The following PHTF2 variants were observed in gnomAD, a reference collection of about 807,000 sequenced individuals.
The protein encoded by PHTF2 is protein PHTF2.
A neutral mutation model predicts 101.2 loss-of-function variants in PHTF2; 60 were observed. The observed-to-expected ratio is 0.59, with a 90% CI of 0.48 to 0.73. PHTF2 has a LOEUF of 0.73. PHTF2 is among the 30% of genes least tolerant of loss of function. The pLI, the probability that PHTF2 is intolerant of heterozygous loss-of-function variation, is 0.00. For synonymous variants in PHTF2, 311 were observed against 307.3 expected (o/e 1.01, Z -0.13); for missense variants, 747 against 908.7 (o/e 0.82, Z 2.29).
At chr7:77,952,785 C>G (rs889779630) in intron 18 of PHTF2, among the ~76,000 whole-genome samples, 1 of 152,146 alleles carries the variant, frequency 6.6e-6, no homozygotes, top group Non-Finnish European at 1.5e-5. Flanking sequence ...CATACATAGT[C>G]TCCTAGTCAG....
chr7:77,953,150 A>G (rs967745786), intron 18 of PHTF2, among the ~76,000 whole-genome samples: 1 of 152,164 alleles, frequency 6.6e-6, no homozygotes, highest in Non-Finnish European at 1.5e-5. Flanking sequence ...ACAAAGTTTC[A>G]GGAGCACCTT....
At chr7:77,820,440 C>T (rs1794191319) in intron 1 of PHTF2, among the ~76,000 whole-genome samples, 2 of 152,188 alleles carry the variant, frequency 1.3e-5, no homozygotes, top group South Asian at 4.1e-4. Context: ...TAACCTCAAA[C>T]TTCTGGGTTC....
intron 1 of PHTF2, 35 bp from the exon 2 acceptor site, chr7:77,840,186 A>G: frequency 3.5e-6 from 4 of 1,131,338 alleles, no homozygotes; most frequent in Non-Finnish European, 5.4e-6. Context: ...AAGGTGGGAA[A>G]TAAAGTCATT....
At chr7:77,885,637 G>A (rs1352118507) in intron 3 of PHTF2, among the ~76,000 whole-genome samples, 3 of 152,030 alleles carry the variant, frequency 2.0e-5, no homozygotes, top group Non-Finnish European at 2.9e-5. Context: ...TAGAGATAGG[G>A]TTTCACCATG....
At chr7:77,836,012 G>A (rs1795431120) in intron 1 of PHTF2, among the ~76,000 whole-genome samples, 1 of 151,306 alleles carries the variant, frequency 6.6e-6, no homozygotes, top group Non-Finnish European at 1.5e-5. Context: ...CAGCTACTCG[G>A]GAGGTTGAGG....
chr7:77,850,785 C>T (rs1043837606), intron 2 of PHTF2, among the ~76,000 whole-genome samples: 1 of 152,058 alleles, frequency 6.6e-6, no homozygotes, highest in Non-Finnish European at 1.5e-5. Flanking sequence ...CAGTTTGATA[C>T]CAGCAATGCA....
chr7:77,890,017 G>T (rs889413993), intron 3 of PHTF2, among the ~76,000 whole-genome samples: 2 of 114,950 alleles, frequency 1.7e-5, no homozygotes, highest in Non-Finnish European at 3.6e-5. Context: ...AAAAAATTAA[G>T]ACGCGCCCCC....
Position 77,929,086 on chromosome 7 carries a change from G to A in PHTF2, c.1120-23G>A, listed in dbSNP as rs117791182. The A allele has an allele frequency of 1.8e-4, 275 of 1,551,842 alleles. 1 individual carries two copies. The East Asian group carries it at 2.6e-3, about 15-fold the overall frequency. ...GAAAGAGTACATAAATTGTATTAATGTCAAAGAATATCTTGATTTCAGGAC... is the reference window on the plus strand; with the variant it reads ...GAAAGAGTACATAAATTGTATTAATATCAAAGAATATCTTGATTTCAGGAC... On this transcript the variant is annotated intron_variant, in intron 11 of 19. Transcript: ENST00000416283.
chr7:77,812,810 C>T (rs1223768232), intron 1 of PHTF2, among the ~76,000 whole-genome samples: 4 of 152,050 alleles, frequency 2.6e-5, no homozygotes, highest in Admixed American at 2.0e-4. Context: ...AGGATGGTCT[C>T]GATCTCCTGA....
intron 2 of PHTF2, among the ~76,000 whole-genome samples, chr7:77,851,223 G>A: frequency 6.6e-6 from 1 of 152,144 alleles, no homozygotes; most frequent in Non-Finnish European, 1.5e-5. Context: ...TAGCAGTGAA[G>A]CCATTGGGTC....
intron 2 of PHTF2, among the ~76,000 whole-genome samples, chr7:77,851,400 C>T (rs965941579): frequency 2.6e-5 from 4 of 152,060 alleles, no homozygotes; most frequent in African/African-American, 7.2e-5. Context: ...CATATAGTTG[C>T]TCATAGCAGT....
intron 1 of PHTF2, among the ~76,000 whole-genome samples, chr7:77,834,705 C>T (rs919836446): frequency 1.3e-5 from 2 of 152,180 alleles, no homozygotes; most frequent in African/African-American, 2.4e-5. Context: ...TATTCAAGAG[C>T]ACACAGCTCT....
chr7:77,862,005 C>G (rs986517104), intron 3 of PHTF2, among the ~76,000 whole-genome samples: 1 of 148,330 alleles, frequency 6.7e-6, no homozygotes, highest in African/African-American at 2.5e-5. Flanking sequence ...TGCAGTGAGC[C>G]AAGATCGTGC....
intron 16 of PHTF2, among the ~76,000 whole-genome samples, chr7:77,945,342 G>A (rs370868874): frequency 6.6e-6 from 1 of 151,942 alleles, no homozygotes; most frequent in Non-Finnish European, 1.5e-5. Flanking sequence ...TCTCCAAAAG[G>A]AAAAAGAATT....
chr7:77,838,467 G>A (rs923335823), intron 1 of PHTF2, among the ~76,000 whole-genome samples: 8 of 152,056 alleles, frequency 5.3e-5, no homozygotes, highest in African/African-American at 1.7e-4. Context: ...TCCTTAAACT[G>A]CTATGTTTAA....
intron 2 of PHTF2, among the ~76,000 whole-genome samples, chr7:77,849,952 C>G (rs1041124461): frequency 1.4e-4 from 21 of 152,020 alleles, no homozygotes; most frequent in Admixed American, 1.3e-4. Context: ...CATCTGTAAA[C>G]AAGGATAATT....
At chr7:77,904,279 C>T (rs1427051943) in intron 7 of PHTF2, among the ~76,000 whole-genome samples, 3 of 152,186 alleles carry the variant, frequency 2.0e-5, no homozygotes, top group African/African-American at 4.8e-5. Flanking sequence ...ACTCCCTTTG[C>T]GTGGGGTAGC....
At chr7:77,883,694 C>G (rs893712341) in intron 3 of PHTF2, among the ~76,000 whole-genome samples, 1 of 152,150 alleles carries the variant, frequency 6.6e-6, no homozygotes. Context: ...AGACTTTTAT[C>G]TGCACACCCG....
At chr7:77,880,478 C>T (rs1799314785) in intron 3 of PHTF2, among the ~76,000 whole-genome samples, 1 of 152,152 alleles carries the variant, frequency 6.6e-6, no homozygotes, top group African/African-American at 2.4e-5. Flanking sequence ...TTCTTGGGCT[C>T]CAACACCTCA....
Sources: gnomAD v4.1 joint callset for allele counts (sites outside exome capture counted in the v4.1 genomes callset) on GRCh38, gnomAD v4.1.1 for gene constraint, MANE v1.5 for transcripts, NCBI Gene and HGNC (gene_info 2026-07-23, HGNC 2026-07-21) for gene names.